The following OR4K13 variants were observed in gnomAD, a reference collection of about 807,000 sequenced individuals.
OR4K13 encodes the protein olfactory receptor family 4 subfamily K member 13, also known as olfactory receptor 4K13.
For missense variants in OR4K13, 403 were observed against 366.0 expected (o/e 1.10, Z -0.82); for synonymous variants, 160 against 134.8 (o/e 1.19, Z -1.30).
At position 20,033,960 on chromosome 14, in the gene OR4K13, C is replaced by A; in HGVS notation, c.799G>T (p.Val267Leu). 6.2e-7 allele frequency: 1 copy of A among 1,613,088 alleles called. No homozygotes were observed. Among genetic ancestry groups the A allele is most frequent in the Non-Finnish European group, 8.5e-7 (1 of 1,179,256 alleles). The stretch of plus-strand genomic sequence containing the variant: ...TAAAACACAGAAAGAATTTTATCTA[C>A]CGAGTATCTGCTGAAGGGCCAGACG... The part of the protein sequence containing the change: ...IYVWPFSRYS[V>L]DKILSVFYTI... Residue 267 changes from valine (V) to leucine (L), a missense_variant, in exon 2 of 2, where the codon GTA (valine) becomes TTA (leucine). By Grantham distance (32) the Val-to-Leu change is conservative. Coordinates refer to ENST00000641904, the MANE Select transcript of OR4K13 (RefSeq NM_001004714.2).
chr14:20,033,880 C>T lies in OR4K13; in HGVS notation c.879G>A (p.Glu293=). ...NPIIYTLRNQ[E]VKAAIKKRLC... is the part of the protein sequence containing the mutation. ...GTCTTTTTTTAATGGCTGCTTTTAC[C>T]TCTTGATTTCTTAATGTATAAATAA... Residue 293 remains glutamate (E), a synonymous_variant, in exon 2 of 2, where the codon GAG becomes GAA. Coordinates refer to ENST00000641904, the MANE Select transcript of OR4K13 (RefSeq NM_001004714.2). 1 of 1,560,562 alleles carries T rather than the reference C, an allele frequency of 6.4e-7. No individual in the cohort carries two copies. The highest frequency in any genetic ancestry group is 1.7e-4 in the Middle Eastern group (1 of 5,838).
rs941896700 is a variant in OR4K13 at position 20,033,761 on chromosome 14, A to C, written c.*83T>G. 1.8e-5 allele frequency: 14 copies of C among 764,860 alleles called. No individual in the cohort carries two copies. The highest frequency in any genetic ancestry group is 2.9e-5 in the Non-Finnish European group (14 of 478,546). 47.4% of individuals were successfully genotyped at this position (764,860 alleles called of 1,614,324 possible). On this transcript the variant is annotated 3_prime_UTR_variant, in exon 2 of 2. Coordinates refer to ENST00000641904, the MANE Select transcript of OR4K13 (RefSeq NM_001004714.2). ...GCAATGACTTTTGCACGAACCTGAT[A>C]CATTAAAAACGAGTTTCTTAAATGT...
In OR4K13 at chr14:20,033,218, T is replaced by C. The variant is rs943030005; in HGVS notation, c.*626A>G. On this transcript the variant is annotated 3_prime_UTR_variant, in exon 2 of 2. Transcript: ENST00000641904. ...GTAGGCTCACAAAATATGTGAAGAA[T>C]GGTGAACACACTGTGTTTATGGAAA... The C allele has an allele frequency of 2.6e-5, 4 of 152,372 alleles. No homozygotes were observed. The highest frequency in any genetic ancestry group is 4.8e-5 in the African/African-American group (2 of 41,454). The allele number at this position is 152,372 out of a possible 1,614,324, so 9.4% of individuals were successfully genotyped here.
At position 20,034,601 on chromosome 14, in the gene OR4K13, G is replaced by C. The variant is rs202203700; in HGVS notation, c.158C>G (p.Ser53Trp). 1 of 1,613,778 alleles carries C rather than the reference G, an allele frequency of 6.2e-7. No individual in the cohort carries two copies. The highest frequency in any genetic ancestry group is 8.5e-7 in the Non-Finnish European group (1 of 1,179,926). ...AAAATACATTGGTGTGTGAAGGAGC[G>C]AATCAAAGGTCACAGTCACCAAGAT... is the stretch of plus-strand genomic sequence containing the variant. ...LLILVTVTFD[S>W]LLHTPMYFLL... Residue 53 changes from serine (S) to tryptophan (W), a missense_variant, in exon 2 of 2, where the codon TCG becomes TGG. By Grantham distance (177) the Ser-to-Trp change is radical. Coordinates refer to ENST00000641904, the MANE Select transcript of OR4K13 (RefSeq NM_001004714.2).
In OR4K13 at chr14:20,033,867, T is replaced by C; in HGVS notation, c.892A>G (p.Ile298Val). The change falls in exon 2 of 2, where the codon ATT becomes GTT. Residue 298 changes from isoleucine (I) to valine (V), a missense_variant. Physicochemically the swap from Ile to Val is conservative, Grantham distance 29 (BLOSUM62 3). Transcript: ENST00000641904. The part of the protein sequence containing the change: ...TLRNQEVKAA[I>V]KKRLCI ...ATTTATATGCAGAGTCTTTTTTTAA[T>C]GGCTGCTTTTACCTCTTGATTTCTT... The C allele has an allele frequency of 6.6e-7, 1 of 1,519,198 alleles. No homozygotes were observed. The highest frequency in any genetic ancestry group is 9.0e-7 in the Non-Finnish European group (1 of 1,106,518). The allele number at this position is 1,519,198 out of a possible 1,614,324, so 94.1% of individuals were successfully genotyped here. A position where few individuals can be genotyped will look rare whatever the true frequency, so the allele number is the denominator to read the frequency against.
chr14:20,033,676 C>A lies in OR4K13; in HGVS notation c.*168G>T. ...GGAACTTGAACTGTTAGCTGGTACACAAGTTATAGTGGTTTTTGCCATTAC... is the reference window on the plus strand; with the variant it reads ...GGAACTTGAACTGTTAGCTGGTACAAAAGTTATAGTGGTTTTTGCCATTAC... On this transcript the variant is annotated 3_prime_UTR_variant, in exon 2 of 2. Transcript: ENST00000641904. 3 of 512,934 alleles carry A rather than the reference C, an allele frequency of 5.8e-6. No individual in the cohort carries two copies. Among genetic ancestry groups the A allele is most frequent in the South Asian group, 4.9e-5 (2 of 41,184 alleles). The allele number at this position is 512,934 out of a possible 1,614,324, so 31.8% of individuals were successfully genotyped here.
chr14:20,035,492 T>TAC (rs1877545885), intron 1 of OR4K13: 1 of 150,190 alleles, frequency 6.7e-6, no homozygotes, highest in Non-Finnish European at 1.5e-5. Context: ...TTCATATATT[T>TAC]ATATATATTT....
chr14:20,035,313 C>G (rs142192248), intron 1 of OR4K13, among the ~76,000 whole-genome samples: 5 of 151,852 alleles, frequency 3.3e-5, no homozygotes, highest in African/African-American at 1.2e-4. Flanking sequence ...TTGAAATGGA[C>G]TCTGGTAAAG....
chr14:20,031,091 G>T lies in OR4K13; in HGVS notation c.*2753C>A. On this transcript the variant is annotated 3_prime_UTR_variant, in exon 2 of 2. Coordinates refer to ENST00000641904, the MANE Select transcript of OR4K13 (RefSeq NM_001004714.2). ...GAGGACCCTGACAGGAAGACAGTTTGAGGTGTTAACAAATTTGCCCATGGA... is the reference window on the plus strand; with the variant it reads ...GAGGACCCTGACAGGAAGACAGTTTTAGGTGTTAACAAATTTGCCCATGGA... The T allele has an allele frequency of 6.6e-6, 1 of 152,394 alleles. No homozygotes were observed. Among genetic ancestry groups the T allele is most frequent in the Non-Finnish European group, 1.5e-5 (1 of 68,070 alleles). The allele number at this position is 152,394 out of a possible 1,614,324, so 9.4% of individuals were successfully genotyped here. A position where few individuals can be genotyped will look rare whatever the true frequency, so the allele number is the denominator to read the frequency against.
rs950609801 is a variant in OR4K13 at position 20,034,356 on chromosome 14, T to C, written c.403A>G (p.Ile135Val). The C allele has an allele frequency of 1.2e-6, 2 of 1,614,076 alleles. No homozygotes were observed. Among genetic ancestry groups the C allele is most frequent in the Non-Finnish European group, 1.7e-6 (2 of 1,179,998 alleles). Residue 135 changes from isoleucine to valine, a missense_variant, in exon 2 of 2, where the codon ATC (isoleucine) becomes GTC (valine). Coordinates refer to ENST00000641904, the MANE Select transcript of OR4K13 (RefSeq NM_001004714.2). The part of the protein sequence containing the change: ...AICKPLHYMT[I>V]MSPRVLTGLL... ...CCAGTGAGCACCCGTGGGCTCATGA[T>C]GGTCATGTAATGGAGGGGTTTGCAT...
rs147844931 is a variant in OR4K13 at position 20,034,283 on chromosome 14, T to C, written c.476A>G (p.Gln159Arg). 9.4e-5 allele frequency: 151 copies of C among 1,614,146 alleles called. No homozygotes were observed. In the African/African-American group the frequency reaches 1.9e-3, roughly 20 times the overall value. ...YAVGFVHSSS[Q>R]MAFMLTLPFC... ...GGGCAAAGTCAACATGAAAGCCATT[T>C]GACTAGATGAGTGCACAAATCCAAC... The change falls in exon 2 of 2, where the codon CAA becomes CGA. Residue 159 changes from glutamine to arginine, a missense_variant. Transcript: ENST00000641904.
In OR4K13 at chr14:20,030,161, G is replaced by C. The variant is rs1488410073; in HGVS notation, c.*3683C>G. The C allele has an allele frequency of 6.6e-6, 1 of 151,972 alleles. No homozygotes were observed. Among genetic ancestry groups the C allele is most frequent in the Non-Finnish European group, 1.5e-5 (1 of 67,988 alleles). 9.4% of individuals were successfully genotyped at this position (151,972 alleles called of 1,614,324 possible). ...GAAGGAGGAGGTGACTACTGTGGGG[G>C]ACAGGAGCATTTTTGGGTTGATGAA... On this transcript the variant is annotated 3_prime_UTR_variant, in exon 2 of 2. Transcript: ENST00000641904.
chr14:20,034,011 A>G lies in OR4K13; in HGVS notation c.748T>C (p.Phe250Leu). 6.2e-7 allele frequency: 1 copy of G among 1,614,178 alleles called. No individual in the cohort carries two copies. Among genetic ancestry groups the G allele is most frequent in the Non-Finnish European group, 8.5e-7 (1 of 1,180,012 alleles). Reference sequence around the variant, plus strand: ...TAGATAAAGACACACGGAGCAAAGAACAGAGTCACAACTGTGATGTGAGCT... The same window carrying G: ...TAGATAAAGACACACGGAGCAAAGAGCAGAGTCACAACTGTGATGTGAGCT... ...LSAHITVVTL[F>L]FAPCVFIYVW... Residue 250 changes from phenylalanine to leucine, a missense_variant, in exon 2 of 2, where the codon TTC (phenylalanine) becomes CTC (leucine). By Grantham distance (22) the Phe-to-Leu change is conservative. Transcript: ENST00000641904.
At chr14:20,035,759 T>C (rs146429919) in intron 1 of OR4K13, 179 bp downstream of exon 1, 19 of 152,222 alleles carry the variant, frequency 1.2e-4, no homozygotes, top group Admixed American at 2.6e-4. Context: ...TCTTTCAGTA[T>C]AATCTAAATT....
Position 20,030,324 on chromosome 14 carries a change from A to C in OR4K13, c.*3520T>G, listed in dbSNP as rs1370456025. ...CAGTACCTCATAAATATGTGCAACT[A>C]TTATATATTCATAATAATTAAAAAT... On this transcript the variant is annotated 3_prime_UTR_variant, in exon 2 of 2. Transcript: ENST00000641904. 1 of 135,156 alleles carries C rather than the reference A, an allele frequency of 7.4e-6. No individual in the cohort carries two copies. The highest frequency in any genetic ancestry group is 1.7e-5 in the Non-Finnish European group (1 of 57,998). The allele number at this position is 135,156 out of a possible 1,614,324, so 8.4% of individuals were successfully genotyped here. A position where few individuals can be genotyped will look rare whatever the true frequency, so the allele number is the denominator to read the frequency against.
Position 20,033,701 on chromosome 14 carries a change from C to T in OR4K13, c.*143G>A, listed in dbSNP as rs1877478119. Reference sequence around the variant, plus strand: ...CAAGTTATAGTGGTTTTTGCCATTACTTTAATTTTGTCATTTACTTTAATG... The same window carrying T: ...CAAGTTATAGTGGTTTTTGCCATTATTTTAATTTTGTCATTTACTTTAATG... On this transcript the variant is annotated 3_prime_UTR_variant, in exon 2 of 2. Transcript: ENST00000641904. 3.6e-6 allele frequency: 2 copies of T among 557,212 alleles called. No homozygotes were observed. The highest frequency in any genetic ancestry group is 6.3e-6 in the Non-Finnish European group (2 of 315,744). The allele number at this position is 557,212 out of a possible 1,614,324, so 34.5% of individuals were successfully genotyped here.
rs781721835 is a variant in OR4K13, at chr14:20,033,814, A to C, written c.*30T>G. ...AAACAAACAAGAGAGTGTCTCTTCA[A>C]AAGTCTCATCTAAAAAGTATGCTTT... On this transcript the variant is annotated 3_prime_UTR_variant, in exon 2 of 2. Transcript: ENST00000641904. 7.7e-6 allele frequency: 9 copies of C among 1,174,694 alleles called. No homozygotes were observed. Among genetic ancestry groups the C allele is most frequent in the Non-Finnish European group, 9.7e-6 (8 of 824,720 alleles). The allele number at this position is 1,174,694 out of a possible 1,614,324, so 72.8% of individuals were successfully genotyped here.
In OR4K13 at chr14:20,034,162, G is replaced by A; in HGVS notation, c.597C>T (p.Val199=). ...CKDTYILQLL[V]IADSGLLSLV... ...GTGACAGGAGCCCACTGTCAGCAAT[G>A]ACCAGGAGCTGTAGGATGTAGGTGT... Residue 199 remains valine (V), a synonymous_variant, in exon 2 of 2, where the codon GTC becomes GTT. Coordinates refer to ENST00000641904, the MANE Select transcript of OR4K13 (RefSeq NM_001004714.2). 1 of 1,614,120 alleles carries A rather than the reference G, an allele frequency of 6.2e-7. No individual in the cohort carries two copies. The highest frequency in any genetic ancestry group is 8.5e-7 in the Non-Finnish European group (1 of 1,180,022).
At position 20,034,308 on chromosome 14, in the gene OR4K13, C is replaced by A; in HGVS notation, c.451G>T (p.Val151Phe). ...LTGLLLSSYAVGFVHSSSQMA... is the reference protein window; with the variant it reads ...LTGLLLSSYAFGFVHSSSQMA... ...TGACTAGATGAGTGCACAAATCCAA[C>A]TGCATAGGAGGATAACAGTAGCCCA... The change falls in exon 2 of 2, where the codon GTT (valine) becomes TTT (phenylalanine). Residue 151 changes from valine (V) to phenylalanine (F), a missense_variant. Coordinates refer to ENST00000641904, the MANE Select transcript of OR4K13 (RefSeq NM_001004714.2). 1 of 1,614,128 alleles carries A rather than the reference C, an allele frequency of 6.2e-7. No homozygotes were observed. Among genetic ancestry groups the A allele is most frequent in the Non-Finnish European group, 8.5e-7 (1 of 1,180,020 alleles).
Sources: gnomAD v4.1 joint callset for allele counts (sites outside exome capture counted in the v4.1 genomes callset) on GRCh38, gnomAD v4.1.1 for gene constraint, MANE v1.5 for transcripts, NCBI Gene and HGNC (gene_info 2026-07-23, HGNC 2026-07-21) for gene names.